The following ADAM23 variants were observed in gnomAD, a reference collection of about 807,000 sequenced individuals.
ADAM23 encodes the protein ADAM metallopeptidase domain 23.
A neutral mutation model predicts 120.1 loss-of-function variants in ADAM23; 33 were observed. The ratio of observed to expected loss-of-function variants is 0.27; its 90% CI spans 0.21 to 0.37. The LOEUF is 0.37. Ranked by LOEUF, ADAM23 falls within the 10% of genes least tolerant of loss-of-function variation. The pLI, the probability that ADAM23 is intolerant of heterozygous loss-of-function variation, is 1.00. For synonymous variants in ADAM23, 367 were observed against 375.2 expected (o/e 0.98, Z 0.25); for missense variants, 862 against 1,058.2 (o/e 0.81, Z 2.57).
intron 2 of ADAM23, among the ~76,000 whole-genome samples, chr2:206,480,351 G>A (rs920130419): frequency 2.0e-5 from 3 of 152,080 alleles, no homozygotes; most frequent in Non-Finnish European, 4.4e-5. Flanking sequence ...CATGCATGAA[G>A]CACTTCACAG....
chr2:206,499,537 C>T (rs960765222), intron 3 of ADAM23, among the ~76,000 whole-genome samples: 12 of 150,966 alleles, frequency 7.9e-5, no homozygotes, highest in East Asian at 3.9e-4. Context: ...ATACCTAATG[C>T]TAAATGACGA....
intron 2 of ADAM23, among the ~76,000 whole-genome samples, chr2:206,453,710 G>A (rs1695241213): frequency 6.6e-6 from 1 of 152,172 alleles, no homozygotes; most frequent in Non-Finnish European, 1.5e-5. Context: ...TTAATTCATG[G>A]CCAGTTTGAA....
chr2:206,561,314 C>A, intron 12 of ADAM23, 102 bp downstream of exon 12: 1 of 965,694 alleles, frequency 1.0e-6, no homozygotes, highest in Non-Finnish European at 1.6e-6. Context: ...GATGACATGG[C>A]AAATGTAGCA....
chr2:206,574,000 G>T (rs917915282), intron 18 of ADAM23, among the ~76,000 whole-genome samples: 4 of 151,824 alleles, frequency 2.6e-5, no homozygotes, highest in Non-Finnish European at 4.4e-5. Context: ...AAGTAATTGC[G>T]GTTTTTGCCA....
intron 9 of ADAM23, among the ~76,000 whole-genome samples, chr2:206,554,629 AT>A (rs1389887417): frequency 2.0e-5 from 3 of 152,278 alleles, no homozygotes; most frequent in African/African-American, 7.2e-5. Flanking sequence ...TATATAAACT[AT>A]TTAATAGGAA....
At chr2:206,530,985 G>A in intron 4 of ADAM23, 37 bp downstream of exon 4, 1 of 1,583,848 alleles carries the variant, frequency 6.3e-7, no homozygotes, top group Non-Finnish European at 8.7e-7. Context: ...TCTAGTATAA[G>A]TGTGCTTATC....
At chr2:206,540,628 CT>C (rs1697271588) in intron 4 of ADAM23, among the ~76,000 whole-genome samples, 1 of 152,050 alleles carries the variant, frequency 6.6e-6, no homozygotes, top group Non-Finnish European at 1.5e-5. Context: ...AGGAGTGACT[CT>C]TAGCTTTGAG....
At chr2:206,499,727 A>C (rs1280353798) in intron 3 of ADAM23, among the ~76,000 whole-genome samples, 2 of 152,150 alleles carry the variant, frequency 1.3e-5, no homozygotes, top group Non-Finnish European at 2.9e-5. Context: ...CTGTGAAATC[A>C]CTAATGTTCT....
At chr2:206,598,136 T>C (rs1698565793) in intron 24 of ADAM23, among the ~76,000 whole-genome samples, 1 of 152,206 alleles carries the variant, frequency 6.6e-6, no homozygotes, top group Admixed American at 6.5e-5. Context: ...AAGTTAGATT[T>C]AGAGAAGATT....
In ADAM23 at chr2:206,596,127, G is replaced by A. The variant is rs757831628; in HGVS notation, c.2324G>A (p.Arg775Lys). 6.2e-7 allele frequency: 1 copy of A among 1,614,046 alleles called. No homozygotes were observed. Among genetic ancestry groups the A allele is most frequent in the Admixed American group, 1.7e-5 (1 of 60,004 alleles). ...GTDCSIRDPV[R>K]NLHPPKDEGP... ...GATTGCAGTATCCGGGATCCAGTTA[G>A]GAACCTTCACCCCCCCAAGGATGAA... Residue 775 changes from arginine to lysine, a missense_variant, in exon 24 of 26, where the codon AGG becomes AAG. Arg to Lys is a conservative substitution (Grantham distance 26, BLOSUM62 2). This residue lies in a region of ADAM23 where 617 missense variants were observed against 813.5 expected (regional missense o/e 0.76). Transcript: ENST00000264377.
chr2:206,547,384 G>C, intron 6 of ADAM23, 45 bp from the exon 7 acceptor site: 1 of 1,508,352 alleles, frequency 6.6e-7, no homozygotes, highest in East Asian at 2.3e-5. Flanking sequence ...ATAGAGGCTT[G>C]TTCACATCTT....
At chr2:206,597,736 CAGGT>C (rs1698557623) in intron 24 of ADAM23, among the ~76,000 whole-genome samples, 1 of 152,230 alleles carries the variant, frequency 6.6e-6, no homozygotes, top group South Asian at 2.1e-4. Context: ...TTTTCTCTGA[CAGGT>C]AGGAAAATGC....
chr2:206,556,533 C>G (rs1194388059), intron 9 of ADAM23, among the ~76,000 whole-genome samples: 2 of 152,042 alleles, frequency 1.3e-5, no homozygotes, highest in African/African-American at 4.8e-5. Context: ...GAAATAATAA[C>G]CTCATGGACC....
At chr2:206,563,863 A>G (rs556877089) in intron 13 of ADAM23, among the ~76,000 whole-genome samples, 32 of 151,264 alleles carry the variant, frequency 2.1e-4, no homozygotes, top group Middle Eastern at 3.4e-3. Flanking sequence ...CCGAGTAGCC[A>G]GGACTACAGG....
intron 16 of ADAM23, among the ~76,000 whole-genome samples, chr2:206,571,292 G>A (rs574625867): frequency 3.3e-5 from 5 of 151,924 alleles, no homozygotes; most frequent in African/African-American, 1.2e-4. Context: ...TGGCTAACAC[G>A]GTGAAACCCC....
At chr2:206,507,121 A>C (rs191236846) in intron 3 of ADAM23, among the ~76,000 whole-genome samples, 1 of 152,168 alleles carries the variant, frequency 6.6e-6, no homozygotes, top group African/African-American at 2.4e-5. Context: ...TTTTTTAACT[A>C]TAAGAAAGTA....
Position 206,618,998 on chromosome 2 carries a change from C to A in ADAM23, c.*1371C>A, listed in dbSNP as rs994914892. 6.6e-6 allele frequency: 1 copy of A among 152,076 alleles called. No homozygotes were observed. Among genetic ancestry groups the A allele is most frequent in the Non-Finnish European group, 1.5e-5 (1 of 68,014 alleles). 9.4% of individuals were successfully genotyped at this position (152,076 alleles called of 1,614,324 possible). A position where few individuals can be genotyped will look rare whatever the true frequency, so the allele number is the denominator to read the frequency against. ...AAAAGCTTGGAAAAAATTAAGCTTT[C>A]CATTTTATTTGTATTTGTTAGTGTC... is the stretch of plus-strand genomic sequence containing the variant. On this transcript the variant is annotated 3_prime_UTR_variant, in exon 26 of 26. Transcript: ENST00000264377.
At chr2:206,524,616 G>C (rs1696907599) in intron 3 of ADAM23, among the ~76,000 whole-genome samples, 1 of 152,222 alleles carries the variant, frequency 6.6e-6, no homozygotes, top group Admixed American at 6.5e-5. Context: ...GAAGGTGAAG[G>C]GTATGTCTTA....
chr2:206,605,622 C>T (rs942953084), intron 24 of ADAM23, among the ~76,000 whole-genome samples: 1 of 152,156 alleles, frequency 6.6e-6, no homozygotes, highest in African/African-American at 2.4e-5. Context: ...TCACAGTTAT[C>T]CTCAAATATC....
Sources: allele counts gnomAD v4.1 joint callset (sites outside exome capture counted in the v4.1 genomes callset), GRCh38; gene constraint gnomAD v4.1.1; regional missense constraint gnomAD v4.1.1; transcripts MANE v1.5; gene names NCBI Gene and HGNC (gene_info 2026-07-23, HGNC 2026-07-21).